Variants in TNFRSF11A observed in about 807,000 individuals in gnomAD.
TNFRSF11A encodes TNF receptor superfamily member 11a.
A neutral mutation model predicts 55.7 loss-of-function variants in TNFRSF11A; 32 were observed. The ratio of observed to expected loss-of-function variants is 0.57; its 90% CI spans 0.43 to 0.77. The LOEUF (loss-of-function observed/expected upper bound fraction) is 0.77, where lower values mean the gene tolerates loss of function less well. Ranked by LOEUF, TNFRSF11A falls within the 30% of genes least tolerant of loss-of-function variation. TNFRSF11A has a pLI of 0.00. For missense variants in TNFRSF11A, 753 were observed against 809.8 expected (o/e 0.93, Z 0.85); for synonymous variants, 311 against 331.0 (o/e 0.94, Z 0.65).
At chr18:62,348,127 A>T in intron 1 of TNFRSF11A, 41 bp from the exon 2 acceptor site, 2 of 1,385,942 alleles carry the variant, frequency 1.4e-6, no homozygotes, top group Non-Finnish European at 2.1e-6. Context: ...ATCCAGAAAG[A>T]GCTGTGTGGA....
chr18:62,363,293 G>T (rs1160009533), intron 7 of TNFRSF11A, among the ~76,000 whole-genome samples: 1 of 150,172 alleles, frequency 6.7e-6, no homozygotes, highest in East Asian at 2.0e-4. Flanking sequence ...ACAATCAGAA[G>T]ATTAATTAAA....
At position 62,361,809 on chromosome 18, in the gene TNFRSF11A, T is replaced by C; in HGVS notation, c.730+16T>C. 1.2e-6 allele frequency: 2 copies of C among 1,606,188 alleles called. No individual in the cohort carries two copies. The highest frequency in any genetic ancestry group is 1.7e-6 in the Non-Finnish European group (2 of 1,172,746). Reference sequence around the variant, plus strand: ...GCACTCACAGGTATTGTGTCTATGGTGGTTTTTGCAAACCAATCTTAAAAG... The same window carrying C: ...GCACTCACAGGTATTGTGTCTATGGCGGTTTTTGCAAACCAATCTTAAAAG... On this transcript the variant is annotated intron_variant, in intron 7 of 9. Transcript: ENST00000586569.
intron 3 of TNFRSF11A, among the ~76,000 whole-genome samples, chr18:62,350,256 ACTTATCC>A (rs1415308322): frequency 6.6e-6 from 1 of 152,106 alleles, no homozygotes; most frequent in Non-Finnish European, 1.5e-5. Flanking sequence ...AGGTAGCCAT[ACTTATCC>A]CTTTTATTTT....
chr18:62,326,314 T>A (rs1320931081), intron 1 of TNFRSF11A, among the ~76,000 whole-genome samples: 1 of 152,070 alleles, frequency 6.6e-6, no homozygotes, highest in Non-Finnish European at 1.5e-5. Context: ...GAGGGACGCA[T>A]GGAGAATCGT....
chr18:62,337,798 G>A (rs2046256110), intron 1 of TNFRSF11A, among the ~76,000 whole-genome samples: 1 of 152,092 alleles, frequency 6.6e-6, no homozygotes, highest in South Asian at 2.1e-4. Flanking sequence ...GGACTCTCTC[G>A]GTTGAGTTCT....
intron 7 of TNFRSF11A, among the ~76,000 whole-genome samples, chr18:62,362,490 C>CA (rs57219485): frequency 0.11 from 7,999 of 75,624 alleles, 377 homozygotes; most frequent in East Asian, 0.2. Context: ...AACTTCATCT[C>CA]AAAAAAAAAA....
intron 6 of TNFRSF11A, among the ~76,000 whole-genome samples, chr18:62,361,229 A>C (rs886257507): frequency 1.3e-5 from 2 of 152,184 alleles, no homozygotes; most frequent in African/African-American, 4.8e-5. Flanking sequence ...TGAAAACTAC[A>C]GAAATATTTC....
chr18:62,364,361 T>C (rs897037169), intron 7 of TNFRSF11A, among the ~76,000 whole-genome samples: 4 of 152,098 alleles, frequency 2.6e-5, no homozygotes, highest in Admixed American at 2.0e-4. Context: ...GGCGAGACCA[T>C]GTAGCGGCTG....
chr18:62,378,633 T>C (rs1214833526), intron 9 of TNFRSF11A, among the ~76,000 whole-genome samples: 1 of 152,256 alleles, frequency 6.6e-6, no homozygotes, highest in African/African-American at 2.4e-5. Flanking sequence ...TTTTCAAATC[T>C]ATCATCTTGT....
chr18:62,356,184 G>C (rs2145314479), intron 4 of TNFRSF11A, among the ~76,000 whole-genome samples: 1 of 152,230 alleles, frequency 6.6e-6, no homozygotes, highest in Middle Eastern at 3.4e-3. Flanking sequence ...TTCCCTTAGA[G>C]GCACCTGGTT....
In TNFRSF11A at chr18:62,383,211, C is replaced by T. The variant is rs1303000686; in HGVS notation, c.1568-1540C>T. Among the ~76,000 whole-genome samples the T allele has an allele frequency of 1.3e-5, 2 of 152,200 alleles. No individual in the cohort carries two copies. The highest frequency in any genetic ancestry group is 2.9e-5 in the Non-Finnish European group (2 of 68,034). ...GAGAAACAGCATGAGGCACAGACCT[C>T]CTTCCAGGACTTTGGATTTGTTGCT... On this transcript the variant is annotated intron_variant, in intron 9 of 9. Transcript: ENST00000586569. The surrounding 1 kb of genome is among the most constrained non-coding windows in gnomAD (Gnocchi z 4.2).
chr18:62,384,494 C>T (rs1036162953), intron 9 of TNFRSF11A, among the ~76,000 whole-genome samples: 15 of 148,160 alleles, frequency 1.0e-4, no homozygotes, highest in African/African-American at 3.5e-4. Flanking sequence ...CCTCCCTCCT[C>T]CACTCCTTTT....
At chr18:62,382,049 C>T (rs1203019871) in intron 9 of TNFRSF11A, among the ~76,000 whole-genome samples, 1 of 148,970 alleles carries the variant, frequency 6.7e-6, no homozygotes, top group Non-Finnish European at 1.5e-5. Flanking sequence ...ATAGTTGACA[C>T]ACTGATTATT....
intron 2 of TNFRSF11A, among the ~76,000 whole-genome samples, chr18:62,348,708 G>T (rs969993656): frequency 2.0e-5 from 3 of 152,232 alleles, no homozygotes; most frequent in African/African-American, 7.2e-5. Context: ...TTGAGGAGCA[G>T]AAGGTGGACT....
At chr18:62,344,923 C>T (rs928507500) in intron 1 of TNFRSF11A, among the ~76,000 whole-genome samples, 2 of 152,158 alleles carry the variant, frequency 1.3e-5, no homozygotes, top group Non-Finnish European at 2.9e-5. Flanking sequence ...GGCAGTCTAA[C>T]GGGAAACTGA....
In TNFRSF11A at chr18:62,382,928, C is replaced by T. The variant is rs372758820; in HGVS notation, c.1568-1823C>T. On this transcript the variant is annotated intron_variant, in intron 9 of 9. Coordinates refer to ENST00000586569, the MANE Select transcript of TNFRSF11A (RefSeq NM_003839.4). ...CTTTACCTAATATGTAATTAAATTT[C>T]CTGATGAGTTTATCTGGTGACAACA... 3.3e-5 allele frequency among the ~76,000 whole-genome samples: 5 copies of T among 152,172 alleles called. No homozygotes were observed. The South Asian group carries it at 6.2e-4, about 19-fold the overall frequency.
At chr18:62,335,794 A>G (rs1404583857) in intron 1 of TNFRSF11A, among the ~76,000 whole-genome samples, 1 of 152,248 alleles carries the variant, frequency 6.6e-6, no homozygotes. Context: ...AATTTGATTC[A>G]GTGCTAGAAG....
Position 62,383,253 on chromosome 18 carries a change from G to C in TNFRSF11A, c.1568-1498G>C, listed in dbSNP as rs1911424820. On this transcript the variant is annotated intron_variant, in intron 9 of 9. Coordinates refer to ENST00000586569, the MANE Select transcript of TNFRSF11A (RefSeq NM_003839.4). The surrounding 1 kb of genome is among the most constrained non-coding windows in gnomAD (Gnocchi z 4.2). ...TTTGTTGCTCATACTTGAAATCCTT[G>C]TGTCTTCATGGGCTTTTCCTTGTGT... Among the ~76,000 whole-genome samples, 1 of 152,134 alleles carries C rather than the reference G, an allele frequency of 6.6e-6. No homozygotes were observed. Among genetic ancestry groups the C allele is most frequent in the African/African-American group, 2.4e-5 (1 of 41,418 alleles).
chr18:62,342,767 C>G (rs181241398), intron 1 of TNFRSF11A, among the ~76,000 whole-genome samples: 3 of 152,322 alleles, frequency 2.0e-5, no homozygotes, highest in Non-Finnish European at 1.5e-5. Context: ...GAAACTGAGA[C>G]CTTCTCGCCG....
Sources: allele counts gnomAD v4.1 joint callset (sites outside exome capture counted in the v4.1 genomes callset), GRCh38; gene constraint gnomAD v4.1.1; non-coding constraint Gnocchi (gnomAD v3.1); transcripts MANE v1.5; gene names NCBI Gene and HGNC (gene_info 2026-07-23, HGNC 2026-07-21).